SGF29: variants seen among roughly 807,000 people sequenced by gnomAD.
The protein encoded by SGF29 is SAGA complex associated factor 29.
A neutral mutation model predicts 38.1 loss-of-function variants in SGF29; 15 were observed. The observed-to-expected ratio is 0.39, with a 90% CI of 0.26 to 0.61. The LOEUF is 0.61. Among genes scored for constraint, SGF29 ranks in the 20% least tolerant of loss-of-function variants. The pLI is 0.49. For missense variants in SGF29, 184 were observed against 394.6 expected, an observed-to-expected ratio of 0.47 and a Z score of 4.52; for synonymous variants, 151 against 160.8, an observed-to-expected ratio of 0.94 and a Z score of 0.46.
chr16:28,570,544 TTTTATTTATTTATTTATTTATTTA>T (rs61126025), intron 1 of SGF29, among the ~76,000 whole-genome samples: 9 of 137,664 alleles, frequency 6.5e-5, no homozygotes, highest in African/African-American at 2.5e-4. Flanking sequence ...TTTTTTTAAA[TTTTATTTATTTATTTATTTATTTA>T]TTTATTTATT....
chr16:28,568,196 C>T (rs1426698923), intron 1 of SGF29, among the ~76,000 whole-genome samples: 1 of 150,910 alleles, frequency 6.6e-6, no homozygotes. Flanking sequence ...GCCTATAATC[C>T]CAGCTGCTCA....
chr16:28,577,899 G>T (rs1270225393), intron 1 of SGF29, among the ~76,000 whole-genome samples: 1 of 152,060 alleles, frequency 6.6e-6, no homozygotes. Flanking sequence ...CCACTAATTT[G>T]TCTTGACACC....
intron 1 of SGF29, among the ~76,000 whole-genome samples, chr16:28,572,128 C>T (rs1390182332): frequency 6.6e-6 from 1 of 151,958 alleles, no homozygotes; most frequent in African/African-American, 2.4e-5. Context: ...AGGCACCCAC[C>T]ACCACGCCCG....
intron 1 of SGF29, among the ~76,000 whole-genome samples, chr16:28,564,207 G>C (rs1783820769): frequency 6.6e-6 from 1 of 152,112 alleles, no homozygotes; most frequent in African/African-American, 2.4e-5. Flanking sequence ...AGAAGGCAGA[G>C]CAGTGCGGGA....
chr16:28,566,976 T>C (rs2046839232), intron 1 of SGF29, among the ~76,000 whole-genome samples: 1 of 152,160 alleles, frequency 6.6e-6, no homozygotes, highest in Non-Finnish European at 1.5e-5. Context: ...CACCAGTTAA[T>C]TGGCTTTTAA....
chr16:28,559,143 G>T (rs1332649410), intron 1 of SGF29, among the ~76,000 whole-genome samples: 1 of 152,048 alleles, frequency 6.6e-6, no homozygotes, highest in East Asian at 1.9e-4. Flanking sequence ...AATATGATGA[G>T]ACCTCATCTC....
intron 1 of SGF29, among the ~76,000 whole-genome samples, chr16:28,566,905 G>A (rs973148081): frequency 1.5e-4 from 23 of 152,052 alleles, no homozygotes; most frequent in Non-Finnish European, 3.1e-4. Context: ...CCTGACCTCA[G>A]GTGATCTATC....
chr16:28,573,316 G>T lies in SGF29; in HGVS notation c.-15-7739G>T, dbSNP rs983327974. 3.3e-5 allele frequency among the ~76,000 whole-genome samples: 5 copies of T among 152,296 alleles called. No individual in the cohort carries two copies. The East Asian group carries it at 9.6e-4, about 29-fold the overall frequency. On this transcript the variant is annotated intron_variant, in intron 1 of 9. Coordinates refer to ENST00000317058, the MANE Select transcript of SGF29 (RefSeq NM_138414.3). ...CAGGAGGGAGGCCCTGAAGCCAGAGGAGAAGGGAGTAGCATCATGTCAAGA... is the reference window on the plus strand; with the variant it reads ...CAGGAGGGAGGCCCTGAAGCCAGAGTAGAAGGGAGTAGCATCATGTCAAGA...
Position 28,590,034 on chromosome 16 carries a change from A to G in SGF29, c.290-62A>G. The stretch of plus-strand genomic sequence containing the variant: ...TGCTCCTTCAACAGCTCAGTGCAGC[A>G]TGCTCGGGGGTCAAGGCCGGCACCT... On this transcript the variant is annotated intron_variant, in intron 5 of 9. Transcript: ENST00000317058. The surrounding 1 kb of genome is among the most constrained non-coding windows in gnomAD (Gnocchi z 8.2). 1.3e-6 allele frequency: 2 copies of G among 1,559,288 alleles called. No homozygotes were observed. The highest frequency in any genetic ancestry group is 1.7e-6 in the Non-Finnish European group (2 of 1,154,464).
chr16:28,590,718 T>A lies in SGF29; in HGVS notation c.602+52T>A. 1 of 1,614,034 alleles carries A rather than the reference T, an allele frequency of 6.2e-7. No homozygotes were observed. The highest frequency in any genetic ancestry group is 8.5e-7 in the Non-Finnish European group (1 of 1,179,980). On this transcript the variant is annotated intron_variant, in intron 8 of 9. Transcript: ENST00000317058. This position sits in a 1 kb window ranked among gnomAD's most constrained non-coding sequence, Gnocchi z 8.2. Reference sequence around the variant, plus strand: ...TGGAGCCTGGGGGCAGCCTAACAGCTGAGAAGGAGCATCCCCACCCGGCCA... The same window carrying A: ...TGGAGCCTGGGGGCAGCCTAACAGCAGAGAAGGAGCATCCCCACCCGGCCA...
chr16:28,582,543 G>A (rs1006878836), intron 2 of SGF29, among the ~76,000 whole-genome samples: 4 of 152,188 alleles, frequency 2.6e-5, no homozygotes, highest in Admixed American at 2.0e-4. Context: ...GGGAGACTGC[G>A]CAGGGCAGAG....
chr16:28,589,400 C>A, intron 5 of SGF29: 1 of 516,802 alleles, frequency 1.9e-6, no homozygotes, highest in South Asian at 2.1e-5. Flanking sequence ...CCTGGCCCCT[C>A]ATCTCCTGCC....
intron 1 of SGF29, among the ~76,000 whole-genome samples, chr16:28,556,263 G>A (rs112501484): frequency 0.014 from 2,138 of 152,202 alleles, 50 homozygotes; most frequent in African/African-American, 0.048. Context: ...TCTGCCTCCC[G>A]GGTTCAAGTG....
chr16:28,562,778 C>T (rs1047714939), intron 1 of SGF29, among the ~76,000 whole-genome samples: 3 of 151,760 alleles, frequency 2.0e-5, no homozygotes, highest in Non-Finnish European at 4.4e-5. Flanking sequence ...ATGGTACATG[C>T]CTATAGTCTC....
At position 28,589,179 on chromosome 16, in the gene SGF29, A is replaced by G. The variant is rs754664814; in HGVS notation, c.289+15A>G. 6.2e-6 allele frequency: 10 copies of G among 1,613,834 alleles called. No individual in the cohort carries two copies. The highest frequency in any genetic ancestry group is 8.5e-6 in the Non-Finnish European group (10 of 1,179,740). ...GAGGCGGATTGGTGAGTGGGAGAGA[A>G]CATGCTGGGAGGTCCTTTGCTAGGA... On this transcript the variant is annotated intron_variant, in intron 5 of 9. Coordinates refer to ENST00000317058, the MANE Select transcript of SGF29 (RefSeq NM_138414.3).
chr16:28,566,231 G>A (rs534323910), intron 1 of SGF29, among the ~76,000 whole-genome samples: 15 of 150,736 alleles, frequency 1.0e-4, no homozygotes, highest in South Asian at 8.4e-4. Context: ...CCAAGATCGC[G>A]CCACTGCACT....
At chr16:28,588,030 C>G (rs1419946305) in intron 4 of SGF29, among the ~76,000 whole-genome samples, 1 of 151,934 alleles carries the variant, frequency 6.6e-6, no homozygotes, top group Non-Finnish European at 1.5e-5. Context: ...GATCTCCTGA[C>G]CTCAAGTGAT....
In SGF29 at chr16:28,590,639, T is replaced by A; in HGVS notation, c.575T>A (p.Val192Glu). ...CCTCCTTTTGTCTGCAGGTATGAGG[T>A]AGATGACATCGATGAAGAAGGCAAA... ...SYSHATNKYE[V>E]DDIDEEGKER... The change falls in exon 8 of 10, where the codon GTA becomes GAA. Residue 192 changes from valine (V) to glutamate (E), a missense_variant. Physicochemically the swap from Val to Glu is moderately radical, Grantham distance 121. Coordinates refer to ENST00000317058, the MANE Select transcript of SGF29 (RefSeq NM_138414.3). The surrounding 1 kb of genome is among the most constrained non-coding windows in gnomAD (Gnocchi z 8.2). The A allele has an allele frequency of 1.9e-6, 3 of 1,613,744 alleles. No homozygotes were observed. The highest frequency in any genetic ancestry group is 2.5e-6 in the Non-Finnish European group (3 of 1,179,988).
At position 28,589,081 on chromosome 16, in the gene SGF29, C is replaced by A. The variant is rs751226505; in HGVS notation, c.225-19C>A. The A allele has an allele frequency of 1.2e-6, 2 of 1,613,910 alleles. No homozygotes were observed. The highest frequency in any genetic ancestry group is 1.7e-6 in the Non-Finnish European group (2 of 1,179,900). Reference sequence around the variant, plus strand: ...TGTACGTTAACCAAACCCTCTTTCTCCCTTCTCCCCGCCCTCAGCATCCTT... The same window carrying A: ...TGTACGTTAACCAAACCCTCTTTCTACCTTCTCCCCGCCCTCAGCATCCTT... On this transcript the variant is annotated intron_variant, in intron 4 of 9. Transcript: ENST00000317058.
Sources: gnomAD v4.1 joint callset for allele counts (sites outside exome capture counted in the v4.1 genomes callset) on GRCh38, gnomAD v4.1.1 for gene constraint, Gnocchi (gnomAD v3.1) non-coding constraint, MANE v1.5 for transcripts, NCBI Gene and HGNC (gene_info 2026-07-23, HGNC 2026-07-21) for gene names.